The following PRKG1 variants were observed in gnomAD, a reference collection of about 807,000 sequenced individuals.
PRKG1 encodes protein kinase cGMP-dependent 1, also known as cGMP-dependent protein kinase 1.
A neutral mutation model predicts 88.1 loss-of-function variants in PRKG1; 35 were observed. That is an observed-to-expected ratio of 0.40 (90% CI 0.30 to 0.53). PRKG1 has a LOEUF of 0.53. Among genes scored for constraint, PRKG1 ranks in the 20% least tolerant of loss-of-function variants. PRKG1 has a pLI of 0.59. For synonymous variants in PRKG1, 303 were observed against 292.5 expected (o/e 1.04, Z -0.37); for missense variants, 540 against 839.8 (o/e 0.64, Z 4.41).
At chr10:51,698,905 A>T (rs1261531461) in intron 3 of PRKG1, 2 of 1,613,936 alleles carry the variant, frequency 1.2e-6, no homozygotes, top group African/African-American at 2.7e-5. Context: ...GGCCAGGGCC[A>T]GGGCCAGGGC....
At chr10:51,715,290 A>G (rs1008231667) in intron 3 of PRKG1, among the ~76,000 whole-genome samples, 1 of 152,200 alleles carries the variant, frequency 6.6e-6, no homozygotes, top group African/African-American at 2.4e-5. Context: ...ATATAAACAA[A>G]TTTACAAATT....
chr10:51,615,149 A>C (rs1797546749), intron 3 of PRKG1, among the ~76,000 whole-genome samples: 1 of 151,658 alleles, frequency 6.6e-6, no homozygotes, highest in South Asian at 2.1e-4. Context: ...TCAACTTTGA[A>C]TATATCCCAT....
chr10:51,246,031 G>A (rs1839280445), intron 2 of PRKG1, among the ~76,000 whole-genome samples: 1 of 152,068 alleles, frequency 6.6e-6, no homozygotes, highest in African/African-American at 2.4e-5. Context: ...ATTGGTATCA[G>A]ACTCCATTGT....
chr10:51,285,009 A>G (rs903280595), intron 2 of PRKG1, among the ~76,000 whole-genome samples: 1 of 142,628 alleles, frequency 7.0e-6, no homozygotes, highest in African/African-American at 2.6e-5. Context: ...CTCGTCATCT[A>G]GCATTAGGTA....
Position 51,214,755 on chromosome 10 carries a change from G to T in PRKG1, c.478+61425G>T, listed in dbSNP as rs186427196. Among the ~76,000 whole-genome samples the T allele has an allele frequency of 3.0e-3, 463 of 152,226 alleles. 6 individuals carry two copies. The highest frequency in any genetic ancestry group is 0.011 in the African/African-American group (447 of 41,548). On this transcript the variant is annotated intron_variant, in intron 2 of 17. Transcript: ENST00000373980. The stretch of plus-strand genomic sequence containing the variant: ...GCCTGCCAAAGTGCTGGGATTACAG[G>T]TTTGAACCACCACAATCAGGCCCGG...
chr10:52,156,209 ATAAT>A (rs1838091700), intron 8 of PRKG1, among the ~76,000 whole-genome samples: 1 of 145,492 alleles, frequency 6.9e-6, no homozygotes, highest in African/African-American at 2.4e-5. Flanking sequence ...GAAAATACTA[ATAAT>A]TAGTTAGTTA....
chr10:52,172,333 T>C lies in PRKG1; in HGVS notation c.1076+10370T>C, dbSNP rs149473618. Among the ~76,000 whole-genome samples the C allele has an allele frequency of 6.2e-3, 942 of 152,316 alleles. 8 individuals are homozygous for C. The highest frequency in any genetic ancestry group is 0.022 in the African/African-American group (894 of 41,574). ...CTTGATTGCTGAGTCTGTTTCCTTC[T>C]TCCAAGAAATAAAGATGCTTCCTTT... is the stretch of plus-strand genomic sequence containing the variant. On this transcript the variant is annotated intron_variant, in intron 9 of 17. Transcript: ENST00000373980.
chr10:51,086,388 G>A (rs1844248256), intron 1 of PRKG1, among the ~76,000 whole-genome samples: 1 of 152,072 alleles, frequency 6.6e-6, no homozygotes, highest in African/African-American at 2.4e-5. Flanking sequence ...CAGCTAAAAG[G>A]GTGTAGCCCA....
chr10:52,152,990 C>T (rs1340091524), intron 8 of PRKG1, among the ~76,000 whole-genome samples: 2 of 152,126 alleles, frequency 1.3e-5, no homozygotes, highest in African/African-American at 4.8e-5. Flanking sequence ...TGACCAAAAA[C>T]TAACAATTCC....
intron 3 of PRKG1, among the ~76,000 whole-genome samples, chr10:51,794,662 T>C (rs1417980093): frequency 1.3e-5 from 2 of 152,024 alleles, no homozygotes; most frequent in Non-Finnish European, 2.9e-5. Context: ...CTATATGAGG[T>C]ATTGCAATTG....
intron 9 of PRKG1, among the ~76,000 whole-genome samples, chr10:52,174,967 T>C (rs1229294825): frequency 2.0e-5 from 3 of 152,054 alleles, no homozygotes; most frequent in Non-Finnish European, 4.4e-5. Flanking sequence ...AGCATATTCA[T>C]CATCTCAAAC....
At chr10:51,547,158 A>G (rs1326178677) in intron 3 of PRKG1, among the ~76,000 whole-genome samples, 1 of 152,120 alleles carries the variant, frequency 6.6e-6, no homozygotes, top group Non-Finnish European at 1.5e-5. Context: ...TGACTTTTAT[A>G]AATTTGGAAG....
At chr10:52,180,903 T>A (rs1185525690) in intron 9 of PRKG1, among the ~76,000 whole-genome samples, 1 of 152,180 alleles carries the variant, frequency 6.6e-6, no homozygotes, top group East Asian at 1.9e-4. Flanking sequence ...CATGGGGCTG[T>A]TTCTTAGTCC....
chr10:51,088,229 T>C (rs1844303815), intron 1 of PRKG1, among the ~76,000 whole-genome samples: 2 of 152,200 alleles, frequency 1.3e-5, no homozygotes, highest in Non-Finnish European at 2.9e-5. Context: ...AATTTCCATT[T>C]TGAAGAAACA....
intron 5 of PRKG1, among the ~76,000 whole-genome samples, chr10:51,966,681 C>CTATA (rs993036441): frequency 2.0e-5 from 3 of 152,162 alleles, no homozygotes; most frequent in Non-Finnish European, 4.4e-5. Context: ...GGCTGAAATT[C>CTATA]TATAGGGCTC....
chr10:51,736,809 T>C (rs10999168), intron 3 of PRKG1, among the ~76,000 whole-genome samples: 53,020 of 151,480 alleles, frequency 0.35, 10,401 homozygotes, highest in Middle Eastern at 0.53. Flanking sequence ...TAACTTTTTT[T>C]TTTTTTTGTA....
intron 4 of PRKG1, among the ~76,000 whole-genome samples, chr10:51,826,425 A>T (rs532910960): frequency 3.9e-5 from 6 of 152,274 alleles, no homozygotes; most frequent in Admixed American, 1.3e-4. Context: ...CTTTCACTTA[A>T]ATGTAGCTAG....
chr10:51,046,539 C>T (rs981809428), intron 1 of PRKG1, among the ~76,000 whole-genome samples: 4 of 152,184 alleles, frequency 2.6e-5, no homozygotes, highest in African/African-American at 7.2e-5. Context: ...AAGAAAACAA[C>T]GATTTTTCCT....
chr10:52,095,356 T>C (rs1438173817), intron 7 of PRKG1, among the ~76,000 whole-genome samples: 3 of 152,334 alleles, frequency 2.0e-5, no homozygotes, highest in Admixed American at 6.5e-5. Context: ...ACATGCCCAG[T>C]GCCCTTATCC....
Sources: gnomAD v4.1 joint callset for allele counts (sites outside exome capture counted in the v4.1 genomes callset) on GRCh38, gnomAD v4.1.1 for gene constraint, MANE v1.5 for transcripts, NCBI Gene and HGNC (gene_info 2026-07-23, HGNC 2026-07-21) for gene names.